TSEN2: variants seen among roughly 807,000 people sequenced by gnomAD.
TSEN2 encodes tRNA splicing endonuclease subunit 2.
A neutral mutation model predicts 59.2 loss-of-function variants in TSEN2; 54 were observed. That is an observed-to-expected ratio of 0.91 (90% CI 0.73 to 1.14). The LOEUF (loss-of-function observed/expected upper bound fraction) is 1.14, where lower values mean the gene tolerates loss of function less well. Among genes scored for constraint, TSEN2 ranks in the 50% most tolerant of loss-of-function variants. TSEN2 has a pLI of 0.00. For synonymous variants in TSEN2, 195 were observed against 198.2 expected, an observed-to-expected ratio of 0.98 and a Z score of 0.14; for missense variants, 636 against 576.2, an observed-to-expected ratio of 1.10 and a Z score of -1.06.
upstream of TSEN2, among the ~76,000 whole-genome samples, chr3:12,481,922 C>CT (rs2052198148): frequency 1.7e-5 from 1 of 58,130 alleles, no homozygotes. Context: ...TGTGTGTCTG[C>CT]GTATATATAT....
rs2053055846 is a variant in TSEN2 at position 12,490,068 on chromosome 3, A to G, written c.189+79A>G. The G allele has an allele frequency of 7.1e-6, 9 of 1,274,916 alleles. No homozygotes were observed. The South Asian group carries it at 9.5e-5, about 14-fold the overall frequency. The allele number at this position is 1,274,916 out of a possible 1,614,324, so 79.0% of individuals were successfully genotyped here. A position where few individuals can be genotyped will look rare whatever the true frequency, so the allele number is the denominator to read the frequency against. On this transcript the variant is annotated intron_variant, in intron 2 of 11. Transcript: ENST00000284995. Reference sequence around the variant, plus strand: ...TCCTTTCCTTCTCCCCATCCCAGCCATACCCCCACACCAACCATGAACAAT... The same window carrying G: ...TCCTTTCCTTCTCCCCATCCCAGCCGTACCCCCACACCAACCATGAACAAT...
intron 7 of TSEN2, 32 bp downstream of exon 7, chr3:12,516,693 A>G: frequency 6.2e-7 from 1 of 1,601,750 alleles, no homozygotes; most frequent in Non-Finnish European, 8.6e-7. Flanking sequence ...CAACCCACTT[A>G]AAATTTCCCT....
At chr3:12,508,592 G>C (rs534089332) in intron 6 of TSEN2, among the ~76,000 whole-genome samples, 6 of 152,290 alleles carry the variant, frequency 3.9e-5, no homozygotes, top group African/African-American at 1.4e-4. Context: ...TTAGAAGTCT[G>C]CTCAGCGCTG....
chr3:12,483,336 G>T (rs1021101820), upstream of TSEN2, among the ~76,000 whole-genome samples: 3 of 152,220 alleles, frequency 2.0e-5, no homozygotes, highest in Admixed American at 2.0e-4. Context: ...AGTGAGCTGA[G>T]ATGGTGCCAC....
intron 1 of TSEN2, among the ~76,000 whole-genome samples, chr3:12,488,549 T>C (rs1174211007): frequency 1.3e-5 from 2 of 152,216 alleles, no homozygotes; most frequent in Non-Finnish European, 2.9e-5. Context: ...ATGTTCACAT[T>C]TACTTCCCTC....
chr3:12,490,754 C>T (rs2053136300), intron 2 of TSEN2, among the ~76,000 whole-genome samples: 1 of 152,098 alleles, frequency 6.6e-6, no homozygotes, highest in African/African-American at 2.4e-5. Context: ...ACACTTAATC[C>T]CTGCTCCCAC....
chr3:12,481,520 G>A (rs955506552), upstream of TSEN2, among the ~76,000 whole-genome samples: 6 of 152,012 alleles, frequency 3.9e-5, no homozygotes, highest in Non-Finnish European at 8.8e-5. Flanking sequence ...CTTTTTGTTG[G>A]TGATTTAACT....
chr3:12,517,250 C>T (rs1368677818), intron 7 of TSEN2, among the ~76,000 whole-genome samples: 1 of 150,560 alleles, frequency 6.6e-6, no homozygotes, highest in Admixed American at 6.7e-5. Flanking sequence ...TCCAGCTAAT[C>T]AAGAGGCTGA....
chr3:12,499,913 A>T (rs1453176874), intron 4 of TSEN2, among the ~76,000 whole-genome samples: 2 of 152,000 alleles, frequency 1.3e-5, no homozygotes, highest in East Asian at 3.9e-4. Flanking sequence ...ACTCTAAACC[A>T]CTCTGCTGTG....
intron 8 of TSEN2, among the ~76,000 whole-genome samples, chr3:12,527,799 A>C (rs545372718): frequency 8.7e-4 from 132 of 152,244 alleles, no homozygotes; most frequent in Middle Eastern, 3.4e-3. Context: ...CACAGCTTCC[A>C]AGGTCACGTT....
downstream of TSEN2, among the ~76,000 whole-genome samples, chr3:12,537,045 A>G (rs988818834): frequency 6.6e-6 from 1 of 150,438 alleles, no homozygotes; most frequent in African/African-American, 2.5e-5. Context: ...GAAGTGAGAG[A>G]GAAGAAATAT....
chr3:12,493,950 A>AGTTT (rs2053489562), intron 3 of TSEN2, among the ~76,000 whole-genome samples: 1 of 152,164 alleles, frequency 6.6e-6, no homozygotes, highest in Admixed American at 6.5e-5. Flanking sequence ...AGAGGTTTAT[A>AGTTT]GTTTGAACTC....
chr3:12,481,570 G>C (rs2052194349), upstream of TSEN2, among the ~76,000 whole-genome samples: 3 of 152,244 alleles, frequency 2.0e-5, no homozygotes, highest in South Asian at 6.2e-4. Flanking sequence ...AGTGCTGTCT[G>C]GTGTTCCCCA....
At chr3:12,529,007 A>G (rs1171762543) in intron 9 of TSEN2, 83 bp downstream of exon 9, 5 of 1,394,200 alleles carry the variant, frequency 3.6e-6, no homozygotes, top group Admixed American at 3.3e-5. Flanking sequence ...TTGGTGCCAT[A>G]GGAACAAAAG....
At chr3:12,510,418 C>G (rs1465643980) in intron 6 of TSEN2, among the ~76,000 whole-genome samples, 2 of 152,088 alleles carry the variant, frequency 1.3e-5, no homozygotes, top group East Asian at 1.9e-4. Context: ...GTGTATTGTT[C>G]GTATATACTT....
At chr3:12,504,149 A>G (rs191256368) in intron 5 of TSEN2, among the ~76,000 whole-genome samples, 1 of 152,314 alleles carries the variant, frequency 6.6e-6, no homozygotes, top group Admixed American at 6.5e-5. Flanking sequence ...CTACGTCATG[A>G]AGGGACTTGC....
chr3:12,530,308 C>G (rs1268371704), intron 10 of TSEN2: 2 of 991,184 alleles, frequency 2.0e-6, no homozygotes, highest in Non-Finnish European at 2.4e-6. Context: ...TAAGCACTTT[C>G]CCACCCTGTT....
intron 1 of TSEN2, among the ~76,000 whole-genome samples, chr3:12,486,476 G>T (rs985338474): frequency 2.6e-5 from 4 of 152,140 alleles, no homozygotes; most frequent in African/African-American, 7.2e-5. Context: ...GAAGCTTCAC[G>T]CTGGTATCTG....
intron 3 of TSEN2, among the ~76,000 whole-genome samples, chr3:12,494,446 G>C (rs1041373011): frequency 1.3e-5 from 2 of 152,198 alleles, no homozygotes; most frequent in Admixed American, 6.5e-5. Context: ...CTGGAGTACA[G>C]TTGTGCAATC....
Sources: gnomAD v4.1 joint callset for allele counts (sites outside exome capture counted in the v4.1 genomes callset) on GRCh38, gnomAD v4.1.1 for gene constraint, MANE v1.5 for transcripts, NCBI Gene and HGNC (gene_info 2026-07-23, HGNC 2026-07-21) for gene names.